NDST4: variants seen among roughly 807,000 people sequenced by gnomAD.
NDST4 encodes the protein N-deacetylase and N-sulfotransferase 4, also known as N-heparan sulfate sulfotransferase 4.
A neutral mutation model predicts 100.8 loss-of-function variants in NDST4; 63 were observed. That is an observed-to-expected ratio of 0.62 (90% CI 0.51 to 0.77). The LOEUF (loss-of-function observed/expected upper bound fraction) is 0.77. Ranked by LOEUF, NDST4 falls within the 30% of genes least tolerant of loss-of-function variation. The probability of loss-of-function intolerance (pLI) is 0.00; values close to 1 mark genes in which losing one functional copy is unlikely to be tolerated. For missense variants in NDST4, 943 were observed against 1,018.4 expected (o/e 0.93, Z 1.01); for synonymous variants, 377 against 361.8 (o/e 1.04, Z -0.48).
intron 2 of NDST4, among the ~76,000 whole-genome samples, chr4:115,058,033 A>AAAATGC (rs1245282535): frequency 6.6e-6 from 1 of 152,184 alleles, no homozygotes; most frequent in Non-Finnish European, 1.5e-5. Context: ...GTCAACATAG[A>AAAATGC]AAATGCAAAA....
At chr4:114,957,086 A>G (rs1397331009) in intron 4 of NDST4, among the ~76,000 whole-genome samples, 2 of 152,242 alleles carry the variant, frequency 1.3e-5, no homozygotes, top group Admixed American at 6.5e-5. Flanking sequence ...GAGAATATCA[A>G]TAGAGATAGA....
intron 2 of NDST4, among the ~76,000 whole-genome samples, chr4:115,004,734 A>T (rs138504064): frequency 2.9e-4 from 44 of 152,296 alleles, no homozygotes; most frequent in African/African-American, 1.0e-3. Flanking sequence ...TGTATAAGAC[A>T]TGTATGGTGT....
At chr4:114,838,594 C>T (rs1280256644) in intron 11 of NDST4, among the ~76,000 whole-genome samples, 1 of 152,134 alleles carries the variant, frequency 6.6e-6, no homozygotes, top group Non-Finnish European at 1.5e-5. Context: ...CGCATGTTCT[C>T]ACTCATAAGT....
At chr4:115,103,670 T>C (rs1436584452) in intron 1 of NDST4, among the ~76,000 whole-genome samples, 2 of 152,170 alleles carry the variant, frequency 1.3e-5, no homozygotes, top group Non-Finnish European at 2.9e-5. Flanking sequence ...GTAAACCTGC[T>C]ATTTTTAATT....
chr4:114,936,443 T>C (rs879345233), intron 5 of NDST4, among the ~76,000 whole-genome samples: 4 of 152,124 alleles, frequency 2.6e-5, no homozygotes, highest in Non-Finnish European at 5.9e-5. Flanking sequence ...AAATAAATCA[T>C]AGATAGATAA....
intron 1 of NDST4, among the ~76,000 whole-genome samples, chr4:115,089,679 A>G (rs1729474773): frequency 6.6e-6 from 1 of 151,964 alleles, no homozygotes; most frequent in African/African-American, 2.4e-5. Flanking sequence ...AGCATAACCC[A>G]ATACTAAATT....
At chr4:115,097,946 T>C (rs1729653800) in intron 1 of NDST4, among the ~76,000 whole-genome samples, 1 of 152,208 alleles carries the variant, frequency 6.6e-6, no homozygotes, top group Admixed American at 6.5e-5. Flanking sequence ...ATGGCAGATG[T>C]CCTCATTTCT....
chr4:114,950,661 G>A (rs914634680), intron 4 of NDST4, among the ~76,000 whole-genome samples: 1 of 152,048 alleles, frequency 6.6e-6, no homozygotes, highest in Admixed American at 6.6e-5. Flanking sequence ...GGATTTTACT[G>A]GAAGAGTACA....
At chr4:114,831,540 C>A (rs1302135404) in intron 12 of NDST4, among the ~76,000 whole-genome samples, 1 of 152,084 alleles carries the variant, frequency 6.6e-6, no homozygotes, top group Non-Finnish European at 1.5e-5. Context: ...AAAATACAGC[C>A]CTGGCAGCAA....
intron 10 of NDST4, chr4:114,842,808 C>CA (rs112804787): frequency 0.089 from 13,633 of 153,182 alleles, 955 homozygotes; most frequent in African/African-American, 0.18. Context: ...TAAAAAAAAA[C>CA]AAAAAAGCAA....
rs551175113 is a variant in NDST4 at position 115,093,431 on chromosome 4, C to T, written c.-246-16149G>A. On this transcript the variant is annotated intron_variant, in intron 1 of 13. Transcript: ENST00000264363. ...CAGAGCTTGTAGTGAGCTGAGATAG[C>T]GCCACTGCACTCCAGCCTGGGTGAC... 3.4e-4 allele frequency among the ~76,000 whole-genome samples: 51 copies of T among 151,684 alleles called. 1 individual carries two copies. The South Asian group carries it at 6.2e-3, about 19-fold the overall frequency.
intron 7 of NDST4, among the ~76,000 whole-genome samples, chr4:114,859,557 C>G (rs535432423): frequency 2.6e-5 from 4 of 152,130 alleles, no homozygotes; most frequent in Admixed American, 2.6e-4. Flanking sequence ...CTAGAGCAAA[C>G]CCTCCACTCC....
At chr4:114,867,661 A>AAG in intron 7 of NDST4, among the ~76,000 whole-genome samples, 8 of 94,888 alleles carry the variant, frequency 8.4e-5, no homozygotes, top group African/African-American at 3.2e-4. Context: ...AAAAAAAAAA[A>AAG]AAGCAAAAAA....
intron 2 of NDST4, among the ~76,000 whole-genome samples, chr4:114,989,538 A>C (rs1166698941): frequency 1.3e-5 from 2 of 152,180 alleles, no homozygotes; most frequent in Non-Finnish European, 2.9e-5. Flanking sequence ...GAAATTACTA[A>C]TACATTGCAG....
chr4:115,029,095 C>G (rs1728051727), intron 2 of NDST4, among the ~76,000 whole-genome samples: 1 of 152,040 alleles, frequency 6.6e-6, no homozygotes, highest in Non-Finnish European at 1.5e-5. Flanking sequence ...CAGGGTGCAG[C>G]AATCCCAGGG....
At chr4:114,993,969 G>A (rs1727106402) in intron 2 of NDST4, among the ~76,000 whole-genome samples, 1 of 151,840 alleles carries the variant, frequency 6.6e-6, no homozygotes, top group Admixed American at 6.6e-5. Flanking sequence ...AAGCCATATT[G>A]AATCCAGACA....
chr4:114,941,972 G>A (rs1051587261), intron 4 of NDST4, among the ~76,000 whole-genome samples: 7 of 152,196 alleles, frequency 4.6e-5, no homozygotes, highest in Admixed American at 1.3e-4. Context: ...AGTGGTTTAA[G>A]TTCTAAGAAA....
At chr4:115,050,266 T>G (rs1352308181) in intron 2 of NDST4, among the ~76,000 whole-genome samples, 2 of 152,138 alleles carry the variant, frequency 1.3e-5, no homozygotes, top group Admixed American at 1.3e-4. Context: ...ATGTCAATAT[T>G]TTTCATTAAA....
Position 115,006,031 on chromosome 4 carries a change from C to CA in NDST4, c.979-28758dup, listed in dbSNP as rs33988343. 6.2e-3 allele frequency among the ~76,000 whole-genome samples: 617 copies of CA among 99,436 alleles called. 11 individuals carry two copies. The highest frequency in any genetic ancestry group is 0.016 in the African/African-American group (430 of 26,234). 65.2% of individuals were successfully genotyped at this position (99,436 alleles called of 152,430 possible). On this transcript the variant is annotated intron_variant, in intron 2 of 13. Transcript: ENST00000264363. Reference sequence around the variant, plus strand: ...TGGGTGACAGAGTGAGACTCTATCTCAAAAAAAAAAAAAAAAAAGAAGAAG... The same window carrying CA: ...TGGGTGACAGAGTGAGACTCTATCTCAAAAAAAAAAAAAAAAAAAGAAGAAG...
Sources: allele counts gnomAD v4.1 joint callset (sites outside exome capture counted in the v4.1 genomes callset), GRCh38; gene constraint gnomAD v4.1.1; transcripts MANE v1.5; gene names NCBI Gene and HGNC (gene_info 2026-07-23, HGNC 2026-07-21).